FGD1: variants seen among roughly 807,000 people sequenced by gnomAD.
FGD1 encodes FYVE, RhoGEF and PH domain-containing protein 1.
A neutral mutation model predicts 65.0 loss-of-function variants in FGD1; 12 were observed. The observed-to-expected ratio is 0.18, with a 90% confidence interval of 0.12 to 0.30. The LOEUF (loss-of-function observed/expected upper bound fraction) is 0.30. FGD1 is among the 10% of genes least tolerant of loss of function. FGD1 has a pLI of 1.00. For missense variants in FGD1, 542 were observed against 837.6 expected, an observed-to-expected ratio of 0.65 and a Z score of 4.36; for synonymous variants, 333 against 343.9, an observed-to-expected ratio of 0.97 and a Z score of 0.35.
chrX:54,489,946 T>C (rs1055484353), intron 1 of FGD1, among the ~76,000 whole-genome samples: 1 of 112,211 alleles, frequency 8.9e-6, no homozygotes, highest in Non-Finnish European at 1.9e-5. Flanking sequence ...TGCCCATCAA[T>C]AGTAGACTGG....
At chrX:54,483,066 C>T (rs1407549987) in intron 1 of FGD1, among the ~76,000 whole-genome samples, 5 of 111,983 alleles carry the variant, frequency 4.5e-5, no homozygotes, top group African/African-American at 1.6e-4. Flanking sequence ...GGTCACGTGA[C>T]ACTTTAGAAA....
chrX:54,459,543 G>A (rs765435392), intron 8 of FGD1, among the ~76,000 whole-genome samples: 1 of 111,010 alleles, frequency 9.0e-6, no homozygotes, highest in South Asian at 3.8e-4. Flanking sequence ...AGTCTGGAAA[G>A]TAGAAAGTGG....
chrX:54,495,031 T>C, intron 1 of FGD1, 95 bp downstream of exon 1: 1 of 969,489 alleles, frequency 1.0e-6, no homozygotes, highest in Non-Finnish European at 1.4e-6. Context: ...GCGAGCCTGT[T>C]CCGAGGTGGG....
chrX:54,485,486 T>G (rs1923249156), intron 1 of FGD1, among the ~76,000 whole-genome samples: 1 of 111,917 alleles, frequency 8.9e-6, no homozygotes, highest in Non-Finnish European at 1.9e-5. Context: ...TATTATTTTT[T>G]GAGACAGAGT....
At chrX:54,459,886 A>C (rs1922587560) in intron 8 of FGD1, among the ~76,000 whole-genome samples, 1 of 110,014 alleles carries the variant, frequency 9.1e-6, no homozygotes, top group Non-Finnish European at 1.9e-5. Context: ...CAAAACAGGA[A>C]GCTCAATTTC....
chrX:54,460,155 AT>A (rs1359379924), intron 8 of FGD1, among the ~76,000 whole-genome samples: 1 of 107,567 alleles, frequency 9.3e-6, no homozygotes, highest in Non-Finnish European at 1.9e-5. Context: ...ATAAAAAAAA[AT>A]AAAAGGCCGG....
At chrX:54,446,438 G>T (rs1569540927) in intron 17 of FGD1, 24 bp from the exon 18 acceptor site, 2 of 1,195,071 alleles carry the variant, frequency 1.7e-6, no homozygotes, top group Non-Finnish European at 2.3e-6. Flanking sequence ...GGACAGAGCT[G>T]GGGCCACCTT....
intron 1 of FGD1, among the ~76,000 whole-genome samples, chrX:54,477,646 C>T (rs1923049177): frequency 9.2e-6 from 1 of 108,773 alleles, no homozygotes; most frequent in African/African-American, 3.3e-5. Context: ...CCAGGCTGGT[C>T]TCGATCTCCC....
chrX:54,454,979 A>G (rs1922464961), intron 12 of FGD1, among the ~76,000 whole-genome samples: 1 of 112,319 alleles, frequency 8.9e-6, no homozygotes, highest in African/African-American at 3.2e-5. Flanking sequence ...CTTTACATCC[A>G]CATTTTCTCT....
At position 54,470,597 on chromosome X, in the gene FGD1, A is replaced by G; in HGVS notation, c.645T>C (p.Ile215=). The part of the protein sequence containing the change: ...SPSSAAVSSL[I]EKFEREPVIV... The stretch of plus-strand genomic sequence containing the variant: ...ACCAGACTCACCTTTCAAACTTCTC[A>G]ATCAGTGAGGATACTGCTGCAGAAC... The change falls in exon 3 of 18, where the codon ATT becomes ATC. Residue 215 remains isoleucine, a synonymous_variant. Coordinates refer to ENST00000375135, the MANE Select transcript of FGD1 (RefSeq NM_004463.3). 2 of 1,207,420 alleles carry G rather than the reference A, an allele frequency of 1.7e-6. No homozygotes were observed. Among genetic ancestry groups the G allele is most frequent in the East Asian group, 5.9e-5 (2 of 33,636 alleles).
Position 54,455,523 on chromosome X carries a change from T to C in FGD1, c.1940A>G (p.Lys647Arg). 1 of 1,206,106 alleles carries C rather than the reference T, an allele frequency of 8.3e-7. No individual in the cohort carries two copies. The highest frequency in any genetic ancestry group is 1.1e-6 in the Non-Finnish European group (1 of 890,247). ...AGGCAGATTGAGGTTGGAGCTCTCC[T>C]TTAGCTGAATGGAGGCAGAAAGGGG... ...ARIDVDGMEL[K>R]ESSNLNLPRT... Residue 647 changes from lysine to arginine, a missense_variant, in exon 12 of 18, where the codon AAG (lysine) becomes AGG (arginine). Lys to Arg is a conservative substitution (Grantham distance 26). Coordinates refer to ENST00000375135, the MANE Select transcript of FGD1 (RefSeq NM_004463.3).
At chrX:54,467,749 A>G in intron 6 of FGD1, 35 bp downstream of exon 6, 8 of 1,163,369 alleles carry the variant, frequency 6.9e-6, no homozygotes, top group Middle Eastern at 2.3e-4. Context: ...GCAGGTGGAC[A>G]GGGGAGTGGG....
At chrX:54,483,671 G>T (rs1476008446) in intron 1 of FGD1, among the ~76,000 whole-genome samples, 3 of 111,638 alleles carry the variant, frequency 2.7e-5, no homozygotes, top group African/African-American at 6.5e-5. Context: ...TCACCTAGAT[G>T]TCCTGTCTTC....
intron 1 of FGD1, among the ~76,000 whole-genome samples, chrX:54,485,754 A>T (rs765155318): frequency 9.3e-6 from 1 of 107,790 alleles, no homozygotes; most frequent in African/African-American, 3.5e-5. Flanking sequence ...TACAGGTGTG[A>T]GGCACCATGA....
At chrX:54,484,579 G>T (rs1601960174) in intron 1 of FGD1, among the ~76,000 whole-genome samples, 1 of 112,202 alleles carries the variant, frequency 8.9e-6, no homozygotes, top group South Asian at 3.7e-4. Flanking sequence ...ACCCTGAGAG[G>T]GGAAGGGAGG....
At chrX:54,480,502 T>TG (rs1184630947) in intron 1 of FGD1, among the ~76,000 whole-genome samples, 3 of 111,021 alleles carry the variant, frequency 2.7e-5, no homozygotes, top group Admixed American at 9.6e-5. Context: ...CCATGGGGAA[T>TG]GGTGGGGACT....
chrX:54,456,559 C>G lies in FGD1; in HGVS notation c.1645G>C (p.Glu549Gln). ...TGCTCTGCTGCTGTGGCGATCAGCT[C>G]CAGAGACTCTACAGGCATAGAGGGG... ...PDSKDAQKSLELIATAAEHSN... is the reference protein window; with the variant it reads ...PDSKDAQKSLQLIATAAEHSN... The change falls in exon 9 of 18, where the codon GAG becomes CAG. Residue 549 changes from glutamate to glutamine, a missense_variant. Physicochemically the swap from Glu to Gln is conservative, Grantham distance 29. This residue lies in a region of FGD1 where 41 missense variants were observed against 109.5 expected (regional missense o/e 0.37). Coordinates refer to ENST00000375135, the MANE Select transcript of FGD1 (RefSeq NM_004463.3). The G allele has an allele frequency of 8.3e-7, 1 of 1,209,603 alleles. No homozygotes were observed. The highest frequency in any genetic ancestry group is 1.1e-6 in the Non-Finnish European group (1 of 893,932).
At chrX:54,467,373 T>G (rs768013648) in intron 6 of FGD1, among the ~76,000 whole-genome samples, 1 of 105,579 alleles carries the variant, frequency 9.5e-6, no homozygotes, top group Non-Finnish European at 1.9e-5. Context: ...TTTTTTTTTT[T>G]AAGACAGAGT....
intron 1 of FGD1, among the ~76,000 whole-genome samples, chrX:54,474,595 A>C (rs1922976367): frequency 1.8e-5 from 2 of 112,533 alleles, no homozygotes; most frequent in African/African-American, 6.4e-5. Context: ...AGGATGGAGG[A>C]GGCGCTCCTC....
Sources: gnomAD v4.1 joint callset for allele counts (sites outside exome capture counted in the v4.1 genomes callset) on GRCh38, gnomAD v4.1.1 for gene constraint, gnomAD v4.1.1 regional missense constraint, MANE v1.5 for transcripts, NCBI Gene and HGNC (gene_info 2026-07-23, HGNC 2026-07-21) for gene names.